Variants in PCDH15 observed in about 807,000 individuals in gnomAD.
PCDH15 encodes protocadherin-15.
A neutral mutation model predicts 178.5 loss-of-function variants in PCDH15; 129 were observed. The observed-to-expected ratio is 0.72, with a 90% confidence interval of 0.63 to 0.84. PCDH15 has a LOEUF of 0.84. Among genes scored for constraint, PCDH15 ranks in the 40% least tolerant of loss-of-function variants. PCDH15 has a pLI of 0.00. For missense variants in PCDH15, 2,230 were observed against 2,099.9 expected, an observed-to-expected ratio of 1.06 and a Z score of -1.21; for synonymous variants, 800 against 732.0, an observed-to-expected ratio of 1.09 and a Z score of -1.50.
At chr10:55,320,782 A>G (rs991418171), upstream of PCDH15, among the ~76,000 whole-genome samples, 5 of 152,196 alleles carry the variant, frequency 3.3e-5, no homozygotes, top group South Asian at 8.3e-4. Context: ...AAGCTCACTC[A>G]AAGGAAAGCA....
At chr10:55,375,119 G>A (rs1845588898) in intron 2 of PCDH15, among the ~76,000 whole-genome samples, 5 of 152,088 alleles carry the variant, frequency 3.3e-5, no homozygotes, top group African/African-American at 9.7e-5. Flanking sequence ...ACCTCTTTTG[G>A]TAATTGTGTT....
chr10:55,376,954 C>A (rs1261619261), intron 2 of PCDH15, among the ~76,000 whole-genome samples: 3 of 151,436 alleles, frequency 2.0e-5, no homozygotes, highest in Admixed American at 6.6e-5. Flanking sequence ...AAATTATAAC[C>A]CTATTTTTAA....
At chr10:54,449,014 T>A (rs2076307889) in intron 3 of PCDH15, among the ~76,000 whole-genome samples, 1 of 151,716 alleles carries the variant, frequency 6.6e-6, no homozygotes, top group South Asian at 2.1e-4. Context: ...CTCCTCCACT[T>A]TTTTCTTTTT....
intron 1 of PCDH15, among the ~76,000 whole-genome samples, chr10:54,709,183 T>G (rs2095401004): frequency 6.6e-6 from 1 of 152,128 alleles, no homozygotes; most frequent in Non-Finnish European, 1.5e-5. Context: ...AAGAAATCAG[T>G]TGCTCAAGCA....
At chr10:53,992,114 A>G (rs568812003) in intron 21 of PCDH15, among the ~76,000 whole-genome samples, 3 of 151,922 alleles carry the variant, frequency 2.0e-5, no homozygotes, top group East Asian at 1.9e-4. Flanking sequence ...CCATGAACCC[A>G]CTGGGAGGAA....
chr10:55,488,295 T>C (rs1211597763), intron 2 of PCDH15, among the ~76,000 whole-genome samples: 2 of 151,626 alleles, frequency 1.3e-5, no homozygotes, highest in Non-Finnish European at 3.0e-5. Flanking sequence ...GTGAGGCTCA[T>C]TTTCTCAATA....
At chr10:54,460,243 C>A (rs111439223) in intron 3 of PCDH15, among the ~76,000 whole-genome samples, 4,887 of 151,960 alleles carry the variant, frequency 0.032, 116 homozygotes, top group South Asian at 0.088. Flanking sequence ...TACTGAATAC[C>A]GGCTATGTGC....
At chr10:55,349,498 T>C (rs1408011061) in intron 2 of PCDH15, among the ~76,000 whole-genome samples, 1 of 152,156 alleles carries the variant, frequency 6.6e-6, no homozygotes, top group Non-Finnish European at 1.5e-5. Context: ...CAAGATATAA[T>C]GGTTACCATG....
intron 2 of PCDH15, among the ~76,000 whole-genome samples, chr10:55,119,191 A>G (rs1837702770): frequency 6.6e-6 from 1 of 152,150 alleles, no homozygotes; most frequent in Admixed American, 6.5e-5. Context: ...TAAAATGACG[A>G]TGGCAGATCA....
chr10:54,026,499 A>G (rs898959862), intron 18 of PCDH15, among the ~76,000 whole-genome samples: 1 of 152,256 alleles, frequency 6.6e-6, no homozygotes, highest in Non-Finnish European at 1.5e-5. Context: ...GGTATAAATT[A>G]CGATATGTCA....
Position 54,356,177 on chromosome 10 carries a change from A to G in PCDH15, c.475-9693T>C, listed in dbSNP as rs577565067. Among the ~76,000 whole-genome samples the G allele has an allele frequency of 9.2e-5, 14 of 152,164 alleles. 1 individual carries two copies. The South Asian group carries it at 1.7e-3, about 18-fold the overall frequency. On this transcript the variant is annotated intron_variant, in intron 5 of 37. Transcript: ENST00000644397. Reference sequence around the variant, plus strand: ...TCACTACCAATAATGAAACAGATACATTGTGTGTCTTTTGTGTTACATGCT... The same window carrying G: ...TCACTACCAATAATGAAACAGATACGTTGTGTGTCTTTTGTGTTACATGCT...
intron 6 of PCDH15, among the ~76,000 whole-genome samples, chr10:54,343,623 C>T (rs1472559441): frequency 7.0e-6 from 1 of 142,682 alleles, no homozygotes; most frequent in African/African-American, 2.6e-5. Context: ...AAAAGAGTTG[C>T]TTAAGTTCTT....
At chr10:55,334,677 G>T (rs1002922135) in intron 2 of PCDH15, among the ~76,000 whole-genome samples, 1 of 151,940 alleles carries the variant, frequency 6.6e-6, no homozygotes, top group African/African-American at 2.4e-5. Context: ...AAAGAGTAAT[G>T]ATTCTTAAAC....
chr10:54,367,185 C>A (rs1471645036), intron 5 of PCDH15, among the ~76,000 whole-genome samples: 4 of 152,000 alleles, frequency 2.6e-5, no homozygotes, highest in African/African-American at 9.7e-5. Context: ...GAGAGTTAAT[C>A]TGAACAGGAT....
chr10:54,272,342 C>T (rs2058100512), intron 8 of PCDH15, among the ~76,000 whole-genome samples: 2 of 151,700 alleles, frequency 1.3e-5, no homozygotes, highest in South Asian at 4.2e-4. Context: ...TTCAGGACTC[C>T]CACTGTTTCA....
intron 2 of PCDH15, among the ~76,000 whole-genome samples, chr10:55,403,240 T>A (rs767149464): frequency 9.2e-5 from 14 of 151,702 alleles, no homozygotes; most frequent in African/African-American, 3.4e-4. Flanking sequence ...TGCTGGTGAG[T>A]TGTTTGAGTC....
chr10:54,752,476 C>CAAAAA (rs755874514), intron 1 of PCDH15, among the ~76,000 whole-genome samples: 36 of 89,740 alleles, frequency 4.0e-4, no homozygotes, highest in Non-Finnish European at 6.0e-4. Flanking sequence ...GACTCCGTCT[C>CAAAAA]AAAAAAAAAA....
chr10:55,193,664 A>G (rs1313868564), intron 1 of PCDH15, among the ~76,000 whole-genome samples: 1 of 152,156 alleles, frequency 6.6e-6, no homozygotes, highest in South Asian at 2.1e-4. Context: ...TAATCCATGA[A>G]TAATGATAGT....
chr10:54,101,947 C>T (rs1285408480), intron 15 of PCDH15, among the ~76,000 whole-genome samples: 1 of 151,970 alleles, frequency 6.6e-6, no homozygotes, highest in African/African-American at 2.4e-5. Context: ...TACACTCCAG[C>T]CTGGGCAACA....
Sources: allele counts gnomAD v4.1 joint callset (sites outside exome capture counted in the v4.1 genomes callset), GRCh38; gene constraint gnomAD v4.1.1; transcripts MANE v1.5; gene names NCBI Gene and HGNC (gene_info 2026-07-23, HGNC 2026-07-21).